Variants in FHOD3 observed in about 807,000 individuals in gnomAD.
FHOD3 encodes the protein FH1/FH2 domain-containing protein 3.
In FHOD3, 90 loss-of-function variants were observed where a neutral mutation model predicts 173.0. The observed-to-expected ratio is 0.52, with a 90% CI of 0.44 to 0.62. The LOEUF is 0.62. Ranked by LOEUF, FHOD3 falls within the 20% of genes least tolerant of loss-of-function variation. The probability of loss-of-function intolerance (pLI) is 0.00; values close to 1 mark genes in which losing one functional copy is unlikely to be tolerated. For missense variants in FHOD3, 1,945 were observed against 2,034.7 expected (o/e 0.96, Z 0.85); for synonymous variants, 828 against 823.0 (o/e 1.01, Z -0.10).
chr18:36,759,239 C>G (rs1880747031), intron 26 of FHOD3, 98 bp downstream of exon 26: 1 of 1,309,882 alleles, frequency 7.6e-7, no homozygotes. Context: ...CAGCACCATT[C>G]AGTGCTTTAA....
intron 1 of FHOD3, among the ~76,000 whole-genome samples, chr18:36,313,175 G>T (rs1049688982): frequency 1.3e-5 from 2 of 152,170 alleles, no homozygotes; most frequent in Non-Finnish European, 2.9e-5. Flanking sequence ...CACATGCTCT[G>T]GCTGTACTCT....
intron 6 of FHOD3, among the ~76,000 whole-genome samples, chr18:36,589,617 G>C (rs774160407): frequency 6.6e-6 from 1 of 152,154 alleles, no homozygotes; most frequent in Non-Finnish European, 1.5e-5. Context: ...TCTTGGATTC[G>C]CAGGGACCTT....
intron 3 of FHOD3, among the ~76,000 whole-genome samples, chr18:36,469,546 A>G (rs1321819218): frequency 6.6e-6 from 1 of 152,190 alleles, no homozygotes; most frequent in Admixed American, 6.5e-5. Context: ...CCAAAGTGGC[A>G]TGTTTAGGAC....
intron 1 of FHOD3, among the ~76,000 whole-genome samples, chr18:36,323,605 T>C (rs901467357): frequency 2.0e-5 from 3 of 152,150 alleles, no homozygotes; most frequent in Non-Finnish European, 4.4e-5. Context: ...CTCAACACTG[T>C]TCTCTCCAGA....
chr18:36,674,537 G>A (rs554982437), intron 14 of FHOD3, among the ~76,000 whole-genome samples: 1 of 152,284 alleles, frequency 6.6e-6, no homozygotes, highest in African/African-American at 2.4e-5. Flanking sequence ...GAAGCTGCTT[G>A]TCAATTTTGA....
intron 3 of FHOD3, among the ~76,000 whole-genome samples, chr18:36,409,829 TG>T (rs2049262248): frequency 6.6e-6 from 1 of 152,152 alleles, no homozygotes; most frequent in Non-Finnish European, 1.5e-5. Context: ...AAGGTGGCTT[TG>T]GGGTGGCTTA....
Position 36,769,316 on chromosome 18 carries a change from ATGATGCAGC to A in FHOD3, c.4682_4690del (p.Ala1561_Asp1563del). 1 of 1,614,226 alleles carries A rather than the reference ATGATGCAGC, an allele frequency of 6.2e-7. No individual in the cohort carries two copies. Among genetic ancestry groups the A allele is most frequent in the Non-Finnish European group, 8.5e-7 (1 of 1,180,050 alleles). On this transcript the variant is annotated inframe_deletion, in exon 28 of 29. Coordinates refer to ENST00000590592, the MANE Select transcript of FHOD3 (RefSeq NM_001281740.3). ...ACTGATGACTCGCCCAATGTCACAG[ATGATGCAGC>A]TGATGAGATCATGGACCGCATCGTC...
chr18:36,740,125 A>G (rs1249971648), intron 20 of FHOD3, among the ~76,000 whole-genome samples: 1 of 152,232 alleles, frequency 6.6e-6, no homozygotes, highest in Non-Finnish European at 1.5e-5. Flanking sequence ...AACAAATAGA[A>G]GTAAAAAGGT....
chr18:36,564,447 A>AC (rs2147743795), intron 5 of FHOD3, among the ~76,000 whole-genome samples: 1 of 152,230 alleles, frequency 6.6e-6, no homozygotes, highest in Non-Finnish European at 1.5e-5. Flanking sequence ...CATAGGTGTA[A>AC]CTGAGGCTGC....
chr18:36,516,990 T>C (rs1355600122), intron 5 of FHOD3, among the ~76,000 whole-genome samples: 3 of 120,614 alleles, frequency 2.5e-5, no homozygotes, highest in Non-Finnish European at 5.3e-5. Context: ...CCTCTCAGCA[T>C]TTTTTTTTTT....
chr18:36,677,162 A>AT lies in FHOD3; in HGVS notation c.1836-4260dup, dbSNP rs111799901. Among the ~76,000 whole-genome samples, 147 of 140,958 alleles carry AT rather than the reference A, an allele frequency of 1.0e-3. 1 individual carries two copies. The highest frequency in any genetic ancestry group is 1.7e-3 in the African/African-American group (64 of 38,468). The allele number at this position is 140,958 out of a possible 152,430, so 92.5% of individuals were successfully genotyped here. ...TTTGGTATAAGGTGGGACTAGTTGT[A>AT]TTTTTTTTTTTTTTAGATGGAGTTT... On this transcript the variant is annotated intron_variant, in intron 14 of 28. Transcript: ENST00000590592.
At chr18:36,704,189 C>A (rs1568635516) in intron 17 of FHOD3, among the ~76,000 whole-genome samples, 1 of 152,226 alleles carries the variant, frequency 6.6e-6, no homozygotes, top group South Asian at 2.1e-4. Context: ...CCCCAACCTT[C>A]AAATCTAGCT....
chr18:36,354,703 A>G (rs12968887), intron 1 of FHOD3, among the ~76,000 whole-genome samples: 44,845 of 151,888 alleles, frequency 0.3, 7,069 homozygotes, highest in African/African-American at 0.39. Flanking sequence ...CTACTTGGGA[A>G]GCTGAGGCAG....
At chr18:36,699,159 C>T (rs2039445638) in intron 17 of FHOD3, among the ~76,000 whole-genome samples, 1 of 152,192 alleles carries the variant, frequency 6.6e-6, no homozygotes, top group Non-Finnish European at 1.5e-5. Context: ...CGTGGGAGAG[C>T]TGTAGATAGT....
intron 5 of FHOD3, among the ~76,000 whole-genome samples, chr18:36,563,970 G>C (rs1025372975): frequency 1.3e-5 from 2 of 152,118 alleles, no homozygotes; most frequent in African/African-American, 4.8e-5. Flanking sequence ...TGGTAAGCAG[G>C]GATGTCAGTC....
At chr18:36,709,657 G>C (rs1433862822) in intron 18 of FHOD3, 1 of 440,538 alleles carries the variant, frequency 2.3e-6, no homozygotes, top group Admixed American at 3.9e-5. Context: ...AAAGGGCCCC[G>C]ATAAGGAGGG....
intron 8 of FHOD3, among the ~76,000 whole-genome samples, chr18:36,610,582 C>A (rs78318103): frequency 0.14 from 20,746 of 152,160 alleles, 1,518 homozygotes; most frequent in African/African-American, 0.18. Flanking sequence ...AATTAGTTTT[C>A]ATTAGTTTCT....
intron 14 of FHOD3, among the ~76,000 whole-genome samples, chr18:36,677,267 T>G (rs1485985938): frequency 6.6e-6 from 1 of 152,120 alleles, no homozygotes; most frequent in African/African-American, 2.4e-5. Context: ...CAAGTGATCC[T>G]TCTGCCTCAG....
At chr18:36,722,495 A>G (rs1315762913) in intron 19 of FHOD3, among the ~76,000 whole-genome samples, 1 of 152,214 alleles carries the variant, frequency 6.6e-6, no homozygotes, top group East Asian at 1.9e-4. Flanking sequence ...GGAGCCCAGA[A>G]TGTATCTGGA....
Sources: allele counts gnomAD v4.1 joint callset (sites outside exome capture counted in the v4.1 genomes callset), GRCh38; gene constraint gnomAD v4.1.1; transcripts MANE v1.5; gene names NCBI Gene and HGNC (gene_info 2026-07-23, HGNC 2026-07-21).